SMOC1: variants seen among roughly 807,000 people sequenced by gnomAD.
SMOC1 encodes the protein SPARC-related modular calcium-binding protein 1.
SMOC1 carries 22 observed loss-of-function variants against 56.3 expected under a neutral mutation model. The observed-to-expected ratio is 0.39, with a 90% CI of 0.28 to 0.56. The LOEUF (loss-of-function observed/expected upper bound fraction) is 0.56. Ranked by LOEUF, SMOC1 falls within the 20% of genes least tolerant of loss-of-function variation. SMOC1 has a pLI of 0.61. For synonymous variants in SMOC1, 193 were observed against 215.0 expected, an observed-to-expected ratio of 0.90 and a Z score of 0.89; for missense variants, 509 against 565.4, an observed-to-expected ratio of 0.90 and a Z score of 1.01.
At chr14:69,923,150 T>C (rs1015483164) in intron 1 of SMOC1, among the ~76,000 whole-genome samples, 3 of 151,888 alleles carry the variant, frequency 2.0e-5, no homozygotes, top group African/African-American at 7.3e-5. Flanking sequence ...TTTCACAGTG[T>C]TAGCCAGGAT....
At position 69,913,524 on chromosome 14, in the gene SMOC1, T is replaced by C. The variant is rs75066356; in HGVS notation, c.99+33747T>C. On this transcript the variant is annotated intron_variant, in intron 1 of 11. Coordinates refer to ENST00000361956, the MANE Select transcript of SMOC1 (RefSeq NM_001034852.3). Reference sequence around the variant, plus strand: ...TGGGACACACTTATACTAAACAATATATTCCTTGCTTTTCTAAAATTCAGA... The same window carrying C: ...TGGGACACACTTATACTAAACAATACATTCCTTGCTTTTCTAAAATTCAGA... 4.3e-3 allele frequency among the ~76,000 whole-genome samples: 659 copies of C among 152,296 alleles called. 5 individuals carry two copies. The highest frequency in any genetic ancestry group is 0.015 in the African/African-American group (622 of 41,538).
chr14:70,006,016 C>G (rs537524082), intron 7 of SMOC1, among the ~76,000 whole-genome samples: 5 of 152,172 alleles, frequency 3.3e-5, no homozygotes, highest in Non-Finnish European at 7.3e-5. Flanking sequence ...AAGAGACCCA[C>G]AAAATAGGCC....
In SMOC1 at chr14:70,032,065, C is replaced by T. The variant is rs1351859774; in HGVS notation, c.*1807C>T. 1.3e-5 allele frequency: 2 copies of T among 152,350 alleles called. No individual in the cohort carries two copies. Among genetic ancestry groups the T allele is most frequent in the East Asian group, 1.9e-4 (1 of 5,190 alleles). The allele number at this position is 152,350 out of a possible 1,614,324, so 9.4% of individuals were successfully genotyped here. A position where few individuals can be genotyped will look rare whatever the true frequency, so the allele number is the denominator to read the frequency against. On this transcript the variant is annotated 3_prime_UTR_variant, in exon 12 of 12. Transcript: ENST00000361956. Reference sequence around the variant, plus strand: ...GTTATCTCAGGAATGACTGGTGGCCCTGCCCCAACGTGGAAAGGTGGGAAG... The same window carrying T: ...GTTATCTCAGGAATGACTGGTGGCCTTGCCCCAACGTGGAAAGGTGGGAAG...
intron 1 of SMOC1, among the ~76,000 whole-genome samples, chr14:69,888,357 AC>A (rs1272586278): frequency 1.3e-5 from 2 of 152,098 alleles, no homozygotes; most frequent in African/African-American, 4.8e-5. Context: ...AAATAATCTT[AC>A]CTTTGGCCAC....
intron 9 of SMOC1, 76 bp downstream of exon 9, chr14:70,011,643 G>T: frequency 1.5e-6 from 2 of 1,371,298 alleles, no homozygotes; most frequent in Non-Finnish European, 2.1e-6. Context: ...AGAAGAAGCT[G>T]TCTCCTCTTT....
chr14:69,954,466 C>T (rs1166360443), intron 3 of SMOC1, among the ~76,000 whole-genome samples: 1 of 152,094 alleles, frequency 6.6e-6, no homozygotes, highest in Non-Finnish European at 1.5e-5. Flanking sequence ...TCACACCTGG[C>T]CTTGGCACAG....
At position 69,926,999 on chromosome 14, in the gene SMOC1, C is replaced by T. The variant is rs535312095; in HGVS notation, c.100-25139C>T. ...ACTGAGTACTCAACCCGTGCCAGGC[C>T]CAATTCTAAATTCTTCATGTGTCTT... is the stretch of plus-strand genomic sequence containing the variant. On this transcript the variant is annotated intron_variant, in intron 1 of 11. Coordinates refer to ENST00000361956, the MANE Select transcript of SMOC1 (RefSeq NM_001034852.3). 5.9e-5 allele frequency among the ~76,000 whole-genome samples: 9 copies of T among 152,288 alleles called. No homozygotes were observed. In the East Asian group the frequency reaches 1.7e-3, roughly 29 times the overall value.
At chr14:69,971,017 T>C (rs1883744904) in intron 3 of SMOC1, among the ~76,000 whole-genome samples, 1 of 152,186 alleles carries the variant, frequency 6.6e-6, no homozygotes, top group Non-Finnish European at 1.5e-5. Context: ...TTGAGACCCC[T>C]AGTTACATTC....
chr14:69,885,207 A>G (rs1883762306), intron 1 of SMOC1: 1 of 587,464 alleles, frequency 1.7e-6, no homozygotes, highest in East Asian at 2.8e-5. Flanking sequence ...CTCTCTAGGA[A>G]CTTTTCTACA....
intron 5 of SMOC1, among the ~76,000 whole-genome samples, chr14:69,986,963 C>T (rs1047245292): frequency 6.6e-5 from 10 of 152,216 alleles, no homozygotes; most frequent in Admixed American, 6.5e-4. Flanking sequence ...GGTCATGGCG[C>T]ATGCATCTCA....
At chr14:70,009,433 C>T (rs923186959) in intron 7 of SMOC1, among the ~76,000 whole-genome samples, 6 of 152,134 alleles carry the variant, frequency 3.9e-5, no homozygotes, top group African/African-American at 1.4e-4. Context: ...TTAACAGAGC[C>T]ATTATTTCAA....
intron 1 of SMOC1, among the ~76,000 whole-genome samples, chr14:69,881,201 A>C (rs1264133737): frequency 6.6e-6 from 1 of 152,126 alleles, no homozygotes; most frequent in African/African-American, 2.4e-5. Context: ...TTTTAAATGA[A>C]GCTGCTTGGT....
At chr14:70,027,218 AG>A (rs1223395911) in intron 11 of SMOC1, among the ~76,000 whole-genome samples, 1 of 152,220 alleles carries the variant, frequency 6.6e-6, no homozygotes, top group Admixed American at 6.5e-5. Context: ...GATTTGCTCA[AG>A]GGTACATGTG....
At chr14:69,968,179 A>G (rs1883639327) in intron 3 of SMOC1, among the ~76,000 whole-genome samples, 1 of 152,228 alleles carries the variant, frequency 6.6e-6, no homozygotes. Context: ...TTCATGATAA[A>G]TGCCAGAAAG....
intron 5 of SMOC1, among the ~76,000 whole-genome samples, chr14:69,989,236 C>T (rs986262908): frequency 6.6e-6 from 1 of 152,174 alleles, no homozygotes; most frequent in African/African-American, 2.4e-5. Context: ...ATTCTAGTGG[C>T]TGTTTAGAAG....
chr14:69,916,489 A>T (rs1290444138), intron 1 of SMOC1, among the ~76,000 whole-genome samples: 3 of 152,236 alleles, frequency 2.0e-5, no homozygotes, highest in African/African-American at 7.2e-5. Context: ...TGCCCATTTT[A>T]CAGCGGCTTC....
chr14:69,954,466 C>G (rs1166360443), intron 3 of SMOC1, among the ~76,000 whole-genome samples: 2 of 152,094 alleles, frequency 1.3e-5, no homozygotes, highest in African/African-American at 4.8e-5. Flanking sequence ...TCACACCTGG[C>G]CTTGGCACAG....
At position 70,011,175 on chromosome 14, in the gene SMOC1, G is replaced by A. The variant is rs184630755; in HGVS notation, c.857+229G>A. Among the ~76,000 whole-genome samples, 80 of 152,242 alleles carry A rather than the reference G, an allele frequency of 5.3e-4. 1 individual carries two copies. In the East Asian group the frequency reaches 0.014, roughly 26 times the overall value. On this transcript the variant is annotated intron_variant, in intron 8 of 11. Transcript: ENST00000361956. ...GGAACAGTACTTAACCTCTCTGAACGTCAGTTTCCTGATGAGATTATTGCC... is the reference window on the plus strand; with the variant it reads ...GGAACAGTACTTAACCTCTCTGAACATCAGTTTCCTGATGAGATTATTGCC...
intron 3 of SMOC1, among the ~76,000 whole-genome samples, chr14:69,973,589 TGACCAGAA>T (rs1883853674): frequency 6.6e-6 from 1 of 152,158 alleles, no homozygotes; most frequent in Admixed American, 6.5e-5. Flanking sequence ...GTAAAGGCAT[TGACCAGAA>T]GACCCGAGCA....
Sources: gnomAD v4.1 joint callset for allele counts (sites outside exome capture counted in the v4.1 genomes callset) on GRCh38, gnomAD v4.1.1 for gene constraint, MANE v1.5 for transcripts, NCBI Gene and HGNC (gene_info 2026-07-23, HGNC 2026-07-21) for gene names.